The following TERB1 variants were observed in gnomAD, a reference collection of about 807,000 sequenced individuals.
The protein encoded by TERB1 is telomere repeat binding bouquet formation protein 1.
A neutral mutation model predicts 92.3 loss-of-function variants in TERB1; 63 were observed. The observed-to-expected ratio is 0.68, with a 90% confidence interval of 0.56 to 0.84. The LOEUF (loss-of-function observed/expected upper bound fraction) is 0.84, where lower values mean the gene tolerates loss of function less well. Ranked by LOEUF, TERB1 falls within the 40% of genes least tolerant of loss-of-function variation. The pLI, the probability that TERB1 is intolerant of heterozygous loss-of-function variation, is 0.00. For synonymous variants in TERB1, 252 were observed against 283.9 expected (o/e 0.89, Z 1.13); for missense variants, 709 against 843.7 (o/e 0.84, Z 1.98).
At chr16:66,756,870 A>G (rs1041883403) in intron 18 of TERB1, among the ~76,000 whole-genome samples, 1 of 152,182 alleles carries the variant, frequency 6.6e-6, no homozygotes, top group African/African-American at 2.4e-5. Context: ...AATATTAGGT[A>G]TTAGGGAAGA....
rs1567469371 is a variant in TERB1 at position 66,770,328 on chromosome 16, AAAT to A, written c.1273-22_1273-20del. 2 of 1,406,304 alleles carry A rather than the reference AAAT, an allele frequency of 1.4e-6. No homozygotes were observed. Among genetic ancestry groups the A allele is most frequent in the Non-Finnish European group, 1.9e-6 (2 of 1,036,728 alleles). 87.1% of individuals were successfully genotyped at this position (1,406,304 alleles called of 1,614,324 possible). A position where few individuals can be genotyped will look rare whatever the true frequency, so the allele number is the denominator to read the frequency against. On this transcript the variant is annotated intron_variant, in intron 13 of 18. Transcript: ENST00000433154. Reference sequence around the variant, plus strand: ...TTTCTTCCTATAGTGTAAAAATGACAAATAATTTCAATATAATCCATTCCCTTT... The same window carrying A: ...TTTCTTCCTATAGTGTAAAAATGACAAATTTCAATATAATCCATTCCCTTT...
At chr16:66,755,668 G>A (rs1220472138) in intron 18 of TERB1, among the ~76,000 whole-genome samples, 1 of 152,094 alleles carries the variant, frequency 6.6e-6, no homozygotes. Flanking sequence ...CCAGCTTCTC[G>A]GGAGGCTGAG....
chr16:66,758,873 G>T (rs374037813), intron 17 of TERB1, 35 bp from the exon 18 acceptor site: 1 of 1,338,426 alleles, frequency 7.5e-7, no homozygotes, highest in Non-Finnish European at 1.0e-6. Context: ...CACATTTAGC[G>T]TATCAATCTG....
intron 16 of TERB1, among the ~76,000 whole-genome samples, chr16:66,767,054 C>T (rs2018357891): frequency 6.6e-6 from 1 of 151,840 alleles, no homozygotes; most frequent in South Asian, 2.1e-4. Flanking sequence ...TTACAATAAG[C>T]GTGGTGGCTC....
Position 66,791,032 on chromosome 16 carries a change from A to G in TERB1, c.32-13T>C, listed in dbSNP as rs763072643. 2.1e-6 allele frequency: 3 copies of G among 1,413,724 alleles called. No individual in the cohort carries two copies. Among genetic ancestry groups the G allele is most frequent in the Admixed American group, 4.7e-5 (2 of 42,464 alleles). 87.6% of individuals were successfully genotyped at this position (1,413,724 alleles called of 1,614,324 possible). On this transcript the variant is annotated splice_polypyrimidine_tract_variant and intron_variant, in intron 3 of 18. Transcript: ENST00000433154. ...TCAGTCTTCATTTCTAAAGAACAAA[A>G]ATGTCATTATTTTAAACCAAAAGGT...
intron 2 of TERB1, among the ~76,000 whole-genome samples, chr16:66,800,723 G>A (rs1402528866): frequency 6.6e-6 from 1 of 152,138 alleles, no homozygotes; most frequent in Non-Finnish European, 1.5e-5. Context: ...GAAGACGCAA[G>A]AAGAGAGAAG....
intron 18 of TERB1, among the ~76,000 whole-genome samples, chr16:66,755,860 T>C (rs144770092): frequency 0.016 from 2,442 of 152,260 alleles, 36 homozygotes; most frequent in Non-Finnish European, 0.027. Context: ...CTTGATAGAA[T>C]AGAAAAGAAT....
At chr16:66,779,919 T>C (rs1567473317) in intron 9 of TERB1, among the ~76,000 whole-genome samples, 1 of 152,226 alleles carries the variant, frequency 6.6e-6, no homozygotes, top group Non-Finnish European at 1.5e-5. Flanking sequence ...ATGACCGGTA[T>C]CTATTTCTTT....
intron 9 of TERB1, among the ~76,000 whole-genome samples, chr16:66,783,715 C>T (rs1157182293): frequency 1.3e-5 from 2 of 151,976 alleles, no homozygotes; most frequent in Non-Finnish European, 2.9e-5. Flanking sequence ...TTTTGTTTTG[C>T]GTTTTGTTGT....
chr16:66,759,082 A>C, intron 17 of TERB1, 59 bp downstream of exon 17: 1 of 1,329,560 alleles, frequency 7.5e-7, no homozygotes. Context: ...TTAATGCTTT[A>C]GATAATAGTT....
intron 16 of TERB1, among the ~76,000 whole-genome samples, chr16:66,767,203 G>A (rs1303584011): frequency 6.6e-6 from 1 of 151,742 alleles, no homozygotes; most frequent in East Asian, 1.9e-4. Context: ...GCCAGGTGTG[G>A]TAGTGGGCAC....
chr16:66,777,680 A>G (rs1221172594), intron 10 of TERB1, among the ~76,000 whole-genome samples: 1 of 151,866 alleles, frequency 6.6e-6, no homozygotes, highest in Non-Finnish European at 1.5e-5. Context: ...GAGTATGCTT[A>G]CTCTCCCCTT....
At chr16:66,795,804 C>T (rs548831352) in intron 3 of TERB1, among the ~76,000 whole-genome samples, 63 of 152,306 alleles carry the variant, frequency 4.1e-4, no homozygotes, top group African/African-American at 1.4e-3. Flanking sequence ...CTGTCATCAA[C>T]GCTTAAGTGC....
rs141794635 is a variant in TERB1 at position 66,784,590 on chromosome 16, C to A, written c.700+1196G>T. Among the ~76,000 whole-genome samples the A allele has an allele frequency of 2.8e-3, 420 of 152,080 alleles. 2 individuals carry two copies. The highest frequency in any genetic ancestry group is 9.1e-3 in the African/African-American group (376 of 41,488). On this transcript the variant is annotated intron_variant, in intron 9 of 18. Coordinates refer to ENST00000433154, the MANE Select transcript of TERB1 (RefSeq NM_001136505.2). ...CTCAAGTGATCCTCCACCTCGGACT[C>A]CCAAAGTGCTGGGATTACAGGTGTG...
At chr16:66,797,201 T>G (rs1341951685) in intron 2 of TERB1, among the ~76,000 whole-genome samples, 2 of 151,970 alleles carry the variant, frequency 1.3e-5, no homozygotes, top group East Asian at 3.9e-4. Flanking sequence ...TGACTGGATC[T>G]AACTGGACCT....
At chr16:66,757,954 T>C (rs1163265117) in intron 18 of TERB1, among the ~76,000 whole-genome samples, 11 of 152,302 alleles carry the variant, frequency 7.2e-5, no homozygotes, top group Non-Finnish European at 1.5e-4. Flanking sequence ...GTTTATACTA[T>C]TTGTCTCTTC....
Position 66,755,044 on chromosome 16 carries a change from G to A in TERB1, c.2116C>T (p.Arg706Trp), listed in dbSNP as rs200191895. The A allele has an allele frequency of 8.5e-4, 1,317 of 1,551,636 alleles. 4 individuals are homozygous for A. Among genetic ancestry groups the A allele is most frequent in the South Asian group, 3.4e-3 (287 of 84,062 alleles). ...TTGTGAGCAAGGTCCACAGCCTTCC[G>A]TCCTTGCTGAAAGGGGAAAGACCAC... ...ILWSFPFQQG[R>W]KAVDLAHKYH... Residue 706 changes from arginine to tryptophan, a missense_variant, in exon 19 of 19, where the codon CGG becomes TGG. Transcript: ENST00000433154.
At chr16:66,768,073 T>TA in intron 15 of TERB1, 31 bp downstream of exon 15, 1 of 1,512,160 alleles carries the variant, frequency 6.6e-7, no homozygotes, top group Non-Finnish European at 9.0e-7. Context: ...TCTGTTTTAT[T>TA]AAAAAACCAA....
intron 9 of TERB1, among the ~76,000 whole-genome samples, chr16:66,781,237 T>C (rs1597020080): frequency 6.6e-6 from 1 of 152,132 alleles, no homozygotes; most frequent in African/African-American, 2.4e-5. Flanking sequence ...AGAATTTTCT[T>C]GTAGAGACAA....
Sources: gnomAD v4.1 joint callset for allele counts (sites outside exome capture counted in the v4.1 genomes callset) on GRCh38, gnomAD v4.1.1 for gene constraint, MANE v1.5 for transcripts, NCBI Gene and HGNC (gene_info 2026-07-23, HGNC 2026-07-21) for gene names.